The following MYH4 variants were observed in gnomAD, a reference collection of about 807,000 sequenced individuals.
MYH4 encodes the protein myosin-4.
MYH4 carries 200 observed loss-of-function variants against 229.9 expected under a neutral mutation model. The ratio of observed to expected loss-of-function variants is 0.87; its 90% CI spans 0.78 to 0.98. The LOEUF (loss-of-function observed/expected upper bound fraction) is 0.98, where lower values mean the gene tolerates loss of function less well. Ranked by LOEUF, MYH4 falls within the 50% of genes least tolerant of loss-of-function variation. The pLI, the probability that MYH4 is intolerant of heterozygous loss-of-function variation, is 0.00. For synonymous variants in MYH4, 761 were observed against 834.6 expected, an observed-to-expected ratio of 0.91 and a Z score of 1.52; for missense variants, 2,148 against 2,332.6, an observed-to-expected ratio of 0.92 and a Z score of 1.63.
chr17:10,447,035 C>CGT lies in MYH4; in HGVS notation c.5145_5146dup (p.Arg1716HisfsTer13), dbSNP rs778390784. 4 of 1,614,068 alleles carry CGT rather than the reference C, an allele frequency of 2.5e-6. No homozygotes were observed. The East Asian group carries it at 8.9e-5, about 36-fold the overall frequency. ...CACCTGAGTGTGCAGAAGTTGCACA[C>CGT]GTTCACTGGCATCCAGAAGCTCTTG... On this transcript the variant is annotated frameshift_variant, in exon 35 of 40. Transcript: ENST00000255381. LOFTEE classifies it high-confidence loss of function.
At chr17:10,455,463 T>G in intron 19 of MYH4, 151 bp downstream of exon 19, 1 of 1,298,058 alleles carries the variant, frequency 7.7e-7, no homozygotes, top group Non-Finnish European at 1.1e-6. Flanking sequence ...ATGAAAAACT[T>G]ATGATAATAT....
intron 7 of MYH4, 55 bp from the exon 8 acceptor site, chr17:10,463,698 C>T: frequency 7.2e-7 from 1 of 1,386,822 alleles, no homozygotes; most frequent in Non-Finnish European, 1.0e-6. Context: ...AATAATTTCC[C>T]ATTGACCTCT....
chr17:10,451,723 CA>C (rs1311576450), intron 27 of MYH4, among the ~76,000 whole-genome samples: 2 of 152,084 alleles, frequency 1.3e-5, no homozygotes, highest in South Asian at 2.1e-4. Context: ...TTTGTAATTA[CA>C]TTTTTTTTCA....
chr17:10,457,565 G>C lies in MYH4; in HGVS notation c.1752C>G (p.His584Gln). ...GKPEAHFSLV[H>Q]YAGTVDYNIA... ...TGTTGTAGTCCACGGTGCCGGCATA[G>C]TGCACCAGTGAGAAGTGAGCCTCAG... is the stretch of plus-strand genomic sequence containing the variant. The change falls in exon 16 of 40, where the codon CAC (histidine) becomes CAG (glutamine). Residue 584 changes from histidine (H) to glutamine (Q), a missense_variant. His to Gln is a conservative substitution (Grantham distance 24). Coordinates refer to ENST00000255381, the MANE Select transcript of MYH4 (RefSeq NM_017533.2). The C allele has an allele frequency of 6.2e-7, 1 of 1,614,216 alleles. No homozygotes were observed. The highest frequency in any genetic ancestry group is 1.1e-5 in the South Asian group (1 of 91,084).
chr17:10,465,505 G>T lies in MYH4; in HGVS notation c.442C>A (p.Arg148Ser). 1.2e-6 allele frequency: 2 copies of T among 1,614,120 alleles called. No individual in the cohort carries two copies. The highest frequency in any genetic ancestry group is 1.7e-6 in the Non-Finnish European group (2 of 1,180,012). Residue 148 changes from arginine to serine, a missense_variant, in exon 5 of 40, where the codon CGC (arginine) becomes AGC (serine). By Grantham distance (110) the Arg-to-Ser change is moderately radical. Transcript: ENST00000255381. ...AAGATATGGGGTGGGGCCTCCTGGC[G>T]CTTTTTGCCTCGGTAGGCTGTCACC... ...EVVTAYRGKK[R>S]QEAPPHIFSI... is the part of the protein sequence containing the mutation.
chr17:10,449,478 T>C (rs544906712), intron 30 of MYH4, among the ~76,000 whole-genome samples: 1 of 152,310 alleles, frequency 6.6e-6, no homozygotes, highest in Admixed American at 6.5e-5. Flanking sequence ...TTTAGAGATC[T>C]GTAACTACTT....
intron 35 of MYH4, among the ~76,000 whole-genome samples, chr17:10,445,691 T>A (rs2072504568): frequency 6.6e-6 from 1 of 152,138 alleles, no homozygotes; most frequent in Admixed American, 6.5e-5. Flanking sequence ...AATTTTTAGC[T>A]ATTAACTCAT....
chr17:10,463,571 T>C lies in MYH4; in HGVS notation c.721A>G (p.Asn241Asp). 1 of 1,613,430 alleles carries C rather than the reference T, an allele frequency of 6.2e-7. No individual in the cohort carries two copies. Among genetic ancestry groups the C allele is most frequent in the Non-Finnish European group, 8.5e-7 (1 of 1,179,354 alleles). ...EAFGNAKTVR[N>D]DNSSRFGKFI... The stretch of plus-strand genomic sequence containing the variant: ...CTTACAAAGCGAGAGGAGTTGTCAT[T>C]CCTCACGGTCTTGGCATTGCCGAAG... Residue 241 changes from asparagine (N) to aspartate (D), a missense_variant, in exon 8 of 40, where the codon AAT becomes GAT. Asn to Asp is a conservative substitution (Grantham distance 23). Coordinates refer to ENST00000255381, the MANE Select transcript of MYH4 (RefSeq NM_017533.2).
chr17:10,453,500 A>G, intron 23 of MYH4, 143 bp downstream of exon 23: 1 of 1,542,730 alleles, frequency 6.5e-7, no homozygotes, highest in Non-Finnish European at 8.8e-7. Flanking sequence ...AAGTAAGTAC[A>G]TTGAGGTGGT....
rs1425956397 is a variant in MYH4 at position 10,448,405 on chromosome 17, C to T, written c.4647G>A (p.Glu1549=). ...CAAATGAAAAATGTACCTCTGCTTC[C>T]TCTAGGGAAGTCTGTAGTTCACTCT... ...HEKSELQTSL[E]EAEASLEHEE... Residue 1549 remains glutamate (E), a synonymous_variant, in exon 33 of 40, where the codon GAG becomes GAA. Coordinates refer to ENST00000255381, the MANE Select transcript of MYH4 (RefSeq NM_017533.2). The T allele has an allele frequency of 2.5e-6, 4 of 1,612,132 alleles. No homozygotes were observed. Among genetic ancestry groups the T allele is most frequent in the Non-Finnish European group, 3.4e-6 (4 of 1,179,460 alleles).
At chr17:10,460,767 T>C (rs558446757) in intron 12 of MYH4, 149 bp downstream of exon 12, 553 of 758,016 alleles carry the variant, frequency 7.3e-4, no homozygotes, top group Non-Finnish European at 1.0e-3. Context: ...TGCTAAATAA[T>C]GTAAAACGTC....
chr17:10,452,003 T>A lies in MYH4; in HGVS notation c.3676A>T (p.Ser1226Cys). 6.2e-7 allele frequency: 1 copy of A among 1,613,872 alleles called. No individual in the cohort carries two copies. Among genetic ancestry groups the A allele is most frequent in the East Asian group, 2.2e-5 (1 of 44,856 alleles). Residue 1226 changes from serine (S) to cysteine (C), a missense_variant, in exon 27 of 40, where the codon AGT becomes TGT. By Grantham distance (112) the Ser-to-Cys change is moderately radical. Transcript: ENST00000255381. ...TCATTGATCTCCATCTTCAGCTCAC[T>A]CTTTTCCTTCTCCAGCTTCTGCTTG... ...RVKQKLEKEK[S>C]ELKMEINDLA...
At position 10,463,095 on chromosome 17, in the gene MYH4, A is replaced by C. The variant is rs2072720037; in HGVS notation, c.899T>G (p.Leu300Arg). Residue 300 changes from leucine (L) to arginine (R), a missense_variant, in exon 10 of 40, where the codon CTC (leucine) becomes CGC (arginine). Transcript: ENST00000255381. ...YQILSNKKPELIEMLLITTNP... is the reference protein window; with the variant it reads ...YQILSNKKPERIEMLLITTNP... ...AAATCAAAGATGTGTCTTACCAATGAGCTCTGGTTTCTTATTGGACAGGAT... is the reference window on the plus strand; with the variant it reads ...AAATCAAAGATGTGTCTTACCAATGCGCTCTGGTTTCTTATTGGACAGGAT... The C allele has an allele frequency of 6.2e-7, 1 of 1,610,438 alleles. No homozygotes were observed. Among genetic ancestry groups the C allele is most frequent in the African/African-American group, 1.3e-5 (1 of 74,950 alleles).
In MYH4 at chr17:10,452,016, C is replaced by T; in HGVS notation, c.3663G>A (p.Leu1221=). The change falls in exon 27 of 40, where the codon CTG becomes CTA. Residue 1221 remains leucine (L), a synonymous_variant. Transcript: ENST00000255381. ...TCTTCAGCTCACTCTTTTCCTTCTC[C>T]AGCTTCTGCTTGACCCGCTGAAGGC... ...IDSLQRVKQK[L]EKEKSELKME... The T allele has an allele frequency of 1.2e-6, 2 of 1,613,848 alleles. No homozygotes were observed. The highest frequency in any genetic ancestry group is 1.7e-6 in the Non-Finnish European group (2 of 1,179,874).
intron 7 of MYH4, 23 bp from the exon 8 acceptor site, chr17:10,463,666 G>A: frequency 6.5e-7 from 1 of 1,547,318 alleles, no homozygotes; most frequent in South Asian, 1.2e-5. Context: ...GAATAAGACA[G>A]ACAAAGAAAA....
chr17:10,462,490 C>G (rs182888157), intron 11 of MYH4, among the ~76,000 whole-genome samples: 1 of 152,238 alleles, frequency 6.6e-6, no homozygotes, highest in Non-Finnish European at 1.5e-5. Flanking sequence ...GTGGGAGTTC[C>G]ATGTTTAGTT....
chr17:10,447,480 A>C (rs1347268400), intron 34 of MYH4, among the ~76,000 whole-genome samples: 1 of 152,148 alleles, frequency 6.6e-6, no homozygotes, highest in Non-Finnish European at 1.5e-5. Context: ...GTATCCTTAG[A>C]CTTCAGCGAG....
chr17:10,453,010 G>A, intron 24 of MYH4, 78 bp from the exon 25 acceptor site: 1 of 1,585,188 alleles, frequency 6.3e-7, no homozygotes, highest in African/African-American at 1.4e-5. Context: ...AGATACATAA[G>A]AAAAAAATTT....
chr17:10,449,149 T>A, intron 30 of MYH4, 102 bp from the exon 31 acceptor site: 1 of 989,038 alleles, frequency 1.0e-6, no homozygotes, highest in Non-Finnish European at 1.5e-6. Flanking sequence ...CCAAGAGTTG[T>A]CTACAAGTTG....
Sources: allele counts gnomAD v4.1 joint callset (sites outside exome capture counted in the v4.1 genomes callset), GRCh38; gene constraint gnomAD v4.1.1; transcripts MANE v1.5; gene names NCBI Gene and HGNC (gene_info 2026-07-23, HGNC 2026-07-21).